Variants in SLC10A7 observed in about 807,000 individuals in gnomAD.
SLC10A7 encodes the protein sodium/bile acid cotransporter 7.
In SLC10A7, 29 loss-of-function variants were observed where a neutral mutation model predicts 43.2. The observed-to-expected ratio is 0.67, with a 90% CI of 0.50 to 0.92. The LOEUF is 0.92. Among genes scored for constraint, SLC10A7 ranks in the 40% least tolerant of loss-of-function variants. SLC10A7 has a pLI of 0.00. For synonymous variants in SLC10A7, 152 were observed against 144.8 expected, an observed-to-expected ratio of 1.05 and a Z score of -0.35; for missense variants, 295 against 403.2, an observed-to-expected ratio of 0.73 and a Z score of 2.30.
At chr4:146,391,017 G>T (rs140018151) in intron 5 of SLC10A7, among the ~76,000 whole-genome samples, 1 of 152,124 alleles carries the variant, frequency 6.6e-6, no homozygotes, top group African/African-American at 2.4e-5. Flanking sequence ...AAGCTGGAAA[G>T]GACACTATCA....
In SLC10A7 at chr4:146,442,451, C is replaced by T. The variant is rs1161416627; in HGVS notation, c.435+332G>A. On this transcript the variant is annotated intron_variant, in intron 5 of 11. Coordinates refer to ENST00000335472, the MANE Select transcript of SLC10A7 (RefSeq NM_001029998.6). ...ATGTTTCCTTTTCAAAATCCTCAGT[C>T]CCATGATACAAAATAATAATAATCT... 3.8e-6 allele frequency: 4 copies of T among 1,057,648 alleles called. No homozygotes were observed. In the African/African-American group the frequency reaches 6.8e-5, roughly 18 times the overall value. The allele number at this position is 1,057,648 out of a possible 1,614,324, so 65.5% of individuals were successfully genotyped here.
intron 5 of SLC10A7, among the ~76,000 whole-genome samples, chr4:146,346,085 G>C (rs1320860272): frequency 6.6e-6 from 1 of 152,056 alleles, no homozygotes; most frequent in Non-Finnish European, 1.5e-5. Flanking sequence ...TTGTCTTATG[G>C]ATGAAAAAGC....
At chr4:146,518,942 A>T (rs751627235) in intron 1 of SLC10A7, among the ~76,000 whole-genome samples, 9 of 150,688 alleles carry the variant, frequency 6.0e-5, no homozygotes, top group Non-Finnish European at 1.3e-4. Context: ...TTGTTGTGGC[A>T]GCCCTAAGAA....
At chr4:146,319,494 T>C (rs1448744388) in intron 6 of SLC10A7, among the ~76,000 whole-genome samples, 1 of 152,074 alleles carries the variant, frequency 6.6e-6, no homozygotes, top group Non-Finnish European at 1.5e-5. Flanking sequence ...TTATCACCCA[T>C]CTCACACACT....
chr4:146,494,820 C>T (rs1380634131), intron 4 of SLC10A7, among the ~76,000 whole-genome samples: 4 of 152,040 alleles, frequency 2.6e-5, no homozygotes, highest in African/African-American at 9.7e-5. Flanking sequence ...ATTAAAAGGG[C>T]CCTTTTAGTT....
chr4:146,455,283 C>T (rs921815887), intron 4 of SLC10A7, among the ~76,000 whole-genome samples: 5 of 151,786 alleles, frequency 3.3e-5, no homozygotes, highest in Non-Finnish European at 1.5e-5. Context: ...TTTCCAATAT[C>T]TCCTAGTGAA....
At chr4:146,435,907 G>T (rs1396436837) in intron 5 of SLC10A7, among the ~76,000 whole-genome samples, 1 of 151,826 alleles carries the variant, frequency 6.6e-6, no homozygotes, top group Non-Finnish European at 1.5e-5. Flanking sequence ...TTCCCAGTTT[G>T]GGACTGATGA....
intron 1 of SLC10A7, among the ~76,000 whole-genome samples, chr4:146,518,400 C>A (rs1238341374): frequency 6.6e-6 from 1 of 152,052 alleles, no homozygotes. Flanking sequence ...TCTTGGAAGG[C>A]ATAGAACAGC....
At chr4:146,446,548 C>A (rs1242841698) in intron 4 of SLC10A7, among the ~76,000 whole-genome samples, 1 of 149,098 alleles carries the variant, frequency 6.7e-6, no homozygotes, top group Non-Finnish European at 1.5e-5. Flanking sequence ...TGCATTCCAG[C>A]CCGGGTGACG....
intron 5 of SLC10A7, among the ~76,000 whole-genome samples, chr4:146,373,352 T>C (rs982888078): frequency 6.6e-6 from 1 of 151,768 alleles, no homozygotes; most frequent in African/African-American, 2.4e-5. Context: ...AACACACCTG[T>C]AGTCCCAGCT....
At chr4:146,310,950 CAG>C (rs972374556) in intron 6 of SLC10A7, among the ~76,000 whole-genome samples, 2 of 79,198 alleles carry the variant, frequency 2.5e-5, no homozygotes, top group South Asian at 4.1e-4. Flanking sequence ...ATGTGAAAGA[CAG>C]GGGGAGGATG....
At chr4:146,320,765 G>A (rs987930655) in intron 6 of SLC10A7, among the ~76,000 whole-genome samples, 2 of 152,008 alleles carry the variant, frequency 1.3e-5, no homozygotes, top group African/African-American at 4.8e-5. Context: ...ATAGTGGCCT[G>A]GGGTTCTATT....
At chr4:146,509,887 AC>A in intron 3 of SLC10A7, 25 bp downstream of exon 3, 1 of 1,598,274 alleles carries the variant, frequency 6.3e-7, no homozygotes, top group Non-Finnish European at 8.5e-7. Flanking sequence ...TTAAAAGTGG[AC>A]CCACTTTTAA....
chr4:146,356,535 CTT>C (rs1187920078), intron 5 of SLC10A7, among the ~76,000 whole-genome samples: 1 of 151,780 alleles, frequency 6.6e-6, no homozygotes, highest in Non-Finnish European at 1.5e-5. Flanking sequence ...ACTCAAGTCT[CTT>C]ATAAGGCTTC....
chr4:146,375,063 A>T (rs1033731922), intron 5 of SLC10A7, among the ~76,000 whole-genome samples: 1 of 151,652 alleles, frequency 6.6e-6, no homozygotes, highest in Non-Finnish European at 1.5e-5. Flanking sequence ...AAAATTAACC[A>T]GGCATGGTGG....
intron 5 of SLC10A7, among the ~76,000 whole-genome samples, chr4:146,362,512 C>T (rs1163174713): frequency 6.6e-6 from 1 of 151,984 alleles, no homozygotes; most frequent in Admixed American, 6.6e-5. Flanking sequence ...AATTATCTTT[C>T]AAACATGAAG....
At chr4:146,498,098 T>G (rs1270259213) in intron 4 of SLC10A7, among the ~76,000 whole-genome samples, 1 of 151,828 alleles carries the variant, frequency 6.6e-6, no homozygotes, top group African/African-American at 2.4e-5. Context: ...AAATTAGGAT[T>G]CACCAACTCT....
chr4:146,381,719 C>T (rs966928408), intron 5 of SLC10A7, among the ~76,000 whole-genome samples: 1 of 152,098 alleles, frequency 6.6e-6, no homozygotes, highest in Non-Finnish European at 1.5e-5. Flanking sequence ...TCTGTTTCTA[C>T]CACACACTCA....
chr4:146,487,025 T>C (rs980252967), intron 4 of SLC10A7, among the ~76,000 whole-genome samples: 7 of 152,326 alleles, frequency 4.6e-5, no homozygotes, highest in Non-Finnish European at 8.8e-5. Context: ...CCTGCTCTCC[T>C]GCTCCCAGTG....
Sources: gnomAD v4.1 joint callset for allele counts (sites outside exome capture counted in the v4.1 genomes callset) on GRCh38, gnomAD v4.1.1 for gene constraint, MANE v1.5 for transcripts, NCBI Gene and HGNC (gene_info 2026-07-23, HGNC 2026-07-21) for gene names.